CDH20: variants seen among roughly 807,000 people sequenced by gnomAD.
CDH20 encodes the protein cadherin 20.
CDH20 carries 29 observed loss-of-function variants against 74.2 expected under a neutral mutation model. The ratio of observed to expected loss-of-function variants is 0.39; its 90% CI spans 0.29 to 0.53. The LOEUF (loss-of-function observed/expected upper bound fraction) is 0.53, where lower values mean the gene tolerates loss of function less well. Among genes scored for constraint, CDH20 ranks in the 20% least tolerant of loss-of-function variants. The pLI, the probability that CDH20 is intolerant of heterozygous loss-of-function variation, is 0.69. For missense variants in CDH20, 988 were observed against 1,048.3 expected, an observed-to-expected ratio of 0.94 and a Z score of 0.79; for synonymous variants, 469 against 405.4, an observed-to-expected ratio of 1.16 and a Z score of -1.88.
intron 1 of CDH20, among the ~76,000 whole-genome samples, chr18:61,464,490 TG>T (rs1909895859): frequency 1.3e-5 from 2 of 152,170 alleles, no homozygotes; most frequent in Non-Finnish European, 2.9e-5. Flanking sequence ...AAACTTCACA[TG>T]TCACTGCTAG....
intron 1 of CDH20, among the ~76,000 whole-genome samples, chr18:61,478,129 G>T (rs1029832897): frequency 2.6e-5 from 4 of 151,772 alleles, no homozygotes. Flanking sequence ...AACCCAAAAG[G>T]TGGAGGTTAC....
At chr18:61,523,484 A>G (rs1233352) in intron 6 of CDH20, among the ~76,000 whole-genome samples, 152,022 of 152,322 alleles carry the variant, frequency 1, 75,862 homozygotes, top group Non-Finnish European at 1. Context: ...GTGTAAATTA[A>G]TTCAACCATT....
chr18:61,340,696 G>T (rs1909919872), intron 1 of CDH20, among the ~76,000 whole-genome samples: 1 of 152,090 alleles, frequency 6.6e-6, no homozygotes, highest in Non-Finnish European at 1.5e-5. Flanking sequence ...GTTTCACTTG[G>T]TAAACTCAGC....
At chr18:61,371,305 G>A (rs763682714) in intron 1 of CDH20, among the ~76,000 whole-genome samples, 1 of 151,992 alleles carries the variant, frequency 6.6e-6, no homozygotes, top group Non-Finnish European at 1.5e-5. Flanking sequence ...TTTGGTTTCT[G>A]TTTCCTACTG....
intron 1 of CDH20, among the ~76,000 whole-genome samples, chr18:61,435,353 A>C (rs1908797193): frequency 6.6e-6 from 1 of 152,076 alleles, no homozygotes; most frequent in Non-Finnish European, 1.5e-5. Context: ...AGCATATCCC[A>C]TACTCTGCCC....
At chr18:61,523,921 G>C (rs1912298333) in intron 6 of CDH20, among the ~76,000 whole-genome samples, 1 of 152,098 alleles carries the variant, frequency 6.6e-6, no homozygotes. Flanking sequence ...AGGGGTCGGG[G>C]GCTAGGGGAG....
At chr18:61,527,392 TAGATA>T (rs1568177684) in intron 6 of CDH20, among the ~76,000 whole-genome samples, 3 of 41,348 alleles carry the variant, frequency 7.3e-5, no homozygotes, top group Non-Finnish European at 2.2e-4. Context: ...GATAGATAGA[TAGATA>T]GATAGATAGA....
At chr18:61,348,991 G>A (rs778176877) in intron 1 of CDH20, among the ~76,000 whole-genome samples, 33 of 152,144 alleles carry the variant, frequency 2.2e-4, no homozygotes, top group African/African-American at 7.2e-4. Flanking sequence ...GCTTTGTAAT[G>A]TGTTGGAGGA....
chr18:61,447,690 G>T (rs935275209), intron 1 of CDH20, among the ~76,000 whole-genome samples: 2 of 152,196 alleles, frequency 1.3e-5, no homozygotes, highest in Non-Finnish European at 2.9e-5. Flanking sequence ...TTCATTGTAA[G>T]CTTGAAGAGC....
chr18:61,368,842 T>C (rs1355167161), intron 1 of CDH20, among the ~76,000 whole-genome samples: 1 of 133,096 alleles, frequency 7.5e-6, no homozygotes, highest in Non-Finnish European at 1.6e-5. Flanking sequence ...TAAAGTAAAA[T>C]AGAAACTAGT....
At chr18:61,340,706 C>T (rs1407723911) in intron 1 of CDH20, among the ~76,000 whole-genome samples, 1 of 152,130 alleles carries the variant, frequency 6.6e-6, no homozygotes, top group Non-Finnish European at 1.5e-5. Context: ...GTAAACTCAG[C>T]GTCTTTGAAC....
chr18:61,471,942 G>A (rs1327994605), intron 1 of CDH20, among the ~76,000 whole-genome samples: 2 of 152,148 alleles, frequency 1.3e-5, no homozygotes, highest in African/African-American at 4.8e-5. Context: ...TTTCTGAAAT[G>A]CATCAGTAGC....
intron 6 of CDH20, among the ~76,000 whole-genome samples, chr18:61,523,101 G>A (rs886509383): frequency 5.9e-5 from 9 of 151,548 alleles, no homozygotes; most frequent in Non-Finnish European, 1.2e-4. Context: ...CACAGCAAAA[G>A]AAACTATCAT....
intron 1 of CDH20, among the ~76,000 whole-genome samples, chr18:61,420,302 T>C (rs1464595050): frequency 1.3e-5 from 2 of 152,088 alleles, no homozygotes; most frequent in Admixed American, 6.6e-5. Context: ...TTCATGTCAA[T>C]GAAAATGATT....
chr18:61,445,298 C>G (rs1197758863), intron 1 of CDH20, among the ~76,000 whole-genome samples: 1 of 148,964 alleles, frequency 6.7e-6, no homozygotes, highest in East Asian at 2.0e-4. Context: ...TTTTATCCTC[C>G]ATTTACACAA....
At chr18:61,355,113 A>G (rs958070356) in intron 1 of CDH20, among the ~76,000 whole-genome samples, 1 of 152,212 alleles carries the variant, frequency 6.6e-6, no homozygotes, top group Non-Finnish European at 1.5e-5. Context: ...AACATTCAAT[A>G]ATCTGTTAAT....
At chr18:61,437,537 G>C (rs1467048670) in intron 1 of CDH20, among the ~76,000 whole-genome samples, 1 of 152,122 alleles carries the variant, frequency 6.6e-6, no homozygotes, top group Non-Finnish European at 1.5e-5. Context: ...TAACCCCACT[G>C]GTGCCATAAG....
intron 1 of CDH20, among the ~76,000 whole-genome samples, chr18:61,407,114 A>C (rs1428689770): frequency 6.6e-6 from 1 of 152,224 alleles, no homozygotes; most frequent in Non-Finnish European, 1.5e-5. Flanking sequence ...TTGGTAGTTG[A>C]GGTGACCATC....
intron 1 of CDH20, among the ~76,000 whole-genome samples, chr18:61,346,548 G>T (rs1910120242): frequency 6.6e-6 from 1 of 152,162 alleles, no homozygotes; most frequent in Non-Finnish European, 1.5e-5. Context: ...CTTTATTTAT[G>T]AGAGTAAGTA....
Sources: gnomAD v4.1 joint callset for allele counts (sites outside exome capture counted in the v4.1 genomes callset) on GRCh38, gnomAD v4.1.1 for gene constraint, MANE v1.5 for transcripts, NCBI Gene and HGNC (gene_info 2026-07-23, HGNC 2026-07-21) for gene names.